Variants in KCMF1 observed in about 807,000 individuals in gnomAD.
The protein encoded by KCMF1 is potassium channel modulatory factor 1.
In KCMF1, 3 loss-of-function variants were observed where a neutral mutation model predicts 41.1. The ratio of observed to expected loss-of-function variants is 0.07; its 90% CI spans 0.03 to 0.19. The LOEUF is 0.19. Ranked by LOEUF, KCMF1 falls within the 10% of genes least tolerant of loss-of-function variation. The pLI, the probability that KCMF1 is intolerant of heterozygous loss-of-function variation, is 1.00. For missense variants in KCMF1, 286 were observed against 488.9 expected, an observed-to-expected ratio of 0.58 and a Z score of 3.91; for synonymous variants, 142 against 164.5, an observed-to-expected ratio of 0.86 and a Z score of 1.04.
rs1444393669 is a variant in KCMF1, at chr2:85,053,508, C to T, written c.*99C>T. On this transcript the variant is annotated 3_prime_UTR_variant, in exon 7 of 7. Transcript: ENST00000409785. ...TTGTTTGGTGATTGTAATTTCAGGT[C>T]TGTCACTCTTGTTACATTGTGTACA... 8.3e-7 allele frequency: 1 copy of T among 1,200,612 alleles called. No homozygotes were observed. Among genetic ancestry groups the T allele is most frequent in the Non-Finnish European group, 1.2e-6 (1 of 864,780 alleles). 74.4% of individuals were successfully genotyped at this position (1,200,612 alleles called of 1,614,324 possible).
intron 1 of KCMF1, among the ~76,000 whole-genome samples, chr2:85,002,237 C>G (rs1285879765): frequency 6.6e-6 from 1 of 152,158 alleles, no homozygotes; most frequent in Non-Finnish European, 1.5e-5. Context: ...CTACTAAATT[C>G]ATTTAACCTC....
intron 1 of KCMF1, among the ~76,000 whole-genome samples, chr2:85,013,393 CATT>C: frequency 6.6e-6 from 1 of 152,232 alleles, no homozygotes. Context: ...GTTTAGATAA[CATT>C]AAAAAAACAT....
intron 3 of KCMF1, 82 bp downstream of exon 3, chr2:85,035,237 ATCT>A: frequency 8.6e-7 from 1 of 1,165,286 alleles, no homozygotes. Context: ...GGTCACTGTC[ATCT>A]GCTTCCTGCT....
chr2:85,037,740 C>T (rs926531570), intron 3 of KCMF1, among the ~76,000 whole-genome samples: 1 of 152,194 alleles, frequency 6.6e-6, no homozygotes, highest in Non-Finnish European at 1.5e-5. Context: ...CTTTGCCCCA[C>T]GTTACCTGCA....
At position 84,990,956 on chromosome 2, in the gene KCMF1, GT is replaced by G. The variant is rs1674027166; in HGVS notation, c.16+19491del. Reference sequence around the variant, plus strand: ...AAACCCAGTGGATGGTTTTGAGCAAGTTACTGACTTAACCACTTGTGTTCGA... The same window carrying G: ...AAACCCAGTGGATGGTTTTGAGCAAGTACTGACTTAACCACTTGTGTTCGA... On this transcript the variant is annotated intron_variant, in intron 1 of 6. Transcript: ENST00000409785. Among the ~76,000 whole-genome samples the G allele has an allele frequency of 3.9e-5, 6 of 152,306 alleles. No homozygotes were observed. In the South Asian group the frequency reaches 1.2e-3, roughly 32 times the overall value.
At chr2:84,973,325 C>G (rs2103955303) in intron 1 of KCMF1, among the ~76,000 whole-genome samples, 1 of 152,312 alleles carries the variant, frequency 6.6e-6, no homozygotes, top group South Asian at 2.1e-4. Flanking sequence ...TTGGAACATT[C>G]TTGAATGTAA....
chr2:85,013,836 T>A (rs1195607938), intron 1 of KCMF1: 1 of 134,394 alleles, frequency 7.4e-6, no homozygotes, highest in African/African-American at 2.9e-5. Flanking sequence ...GACCAAAAAA[T>A]CCTAGGCAGG....
intron 1 of KCMF1, among the ~76,000 whole-genome samples, chr2:85,024,948 C>T (rs149102005): frequency 6.6e-6 from 1 of 152,206 alleles, no homozygotes; most frequent in African/African-American, 2.4e-5. Flanking sequence ...GGTGCCATTC[C>T]ATCTTACTGT....
intron 3 of KCMF1, among the ~76,000 whole-genome samples, chr2:85,037,909 A>G (rs1050682252): frequency 7.2e-5 from 11 of 152,222 alleles, no homozygotes; most frequent in Non-Finnish European, 1.3e-4. Context: ...GATCAGCAAC[A>G]TCATTAGATT....
chr2:85,014,523 A>T (rs1674719607), intron 1 of KCMF1, among the ~76,000 whole-genome samples: 1 of 151,896 alleles, frequency 6.6e-6, no homozygotes, highest in Admixed American at 6.6e-5. Flanking sequence ...CAGATTAAAA[A>T]TCATCACCTT....
intron 1 of KCMF1, among the ~76,000 whole-genome samples, chr2:84,979,784 C>A (rs555549729): frequency 6.6e-6 from 1 of 151,934 alleles, no homozygotes; most frequent in South Asian, 2.1e-4. Flanking sequence ...GAGAAAAGAA[C>A]CCGTAAGCAG....
chr2:85,024,573 AGAGAGAGAGAGTGTGTGTGTGT>A (rs1675039787), intron 1 of KCMF1, among the ~76,000 whole-genome samples: 2 of 142,838 alleles, frequency 1.4e-5, no homozygotes, highest in Admixed American at 7.1e-5. Flanking sequence ...AGAGAGAGAG[AGAGAGAGAGAGTGTGTGTGTGT>A]GTGTGTGTGT....
In KCMF1 at chr2:85,016,750, T is replaced by C. The variant is rs868300204; in HGVS notation, c.17-11139T>C. Among the ~76,000 whole-genome samples, 13 of 151,934 alleles carry C rather than the reference T, an allele frequency of 8.6e-5. No homozygotes were observed. The East Asian group carries it at 2.1e-3, about 25-fold the overall frequency. On this transcript the variant is annotated intron_variant, in intron 1 of 6. Coordinates refer to ENST00000409785, the MANE Select transcript of KCMF1 (RefSeq NM_020122.5). Reference sequence around the variant, plus strand: ...CTTTTTCACTCAGGCTGGAGCACATTGGCACAATTTTGGCTCACTGCAACC... The same window carrying C: ...CTTTTTCACTCAGGCTGGAGCACATCGGCACAATTTTGGCTCACTGCAACC...
At chr2:84,983,272 A>G (rs1040862732) in intron 1 of KCMF1, among the ~76,000 whole-genome samples, 1 of 152,210 alleles carries the variant, frequency 6.6e-6, no homozygotes, top group Non-Finnish European at 1.5e-5. Flanking sequence ...CCATTTCAAC[A>G]TGTAACTGAC....
intron 1 of KCMF1, among the ~76,000 whole-genome samples, chr2:85,023,554 C>A (rs1205020763): frequency 6.6e-6 from 1 of 151,912 alleles, no homozygotes; most frequent in African/African-American, 2.4e-5. Context: ...ATCTACTGAC[C>A]TTGTGATCCG....
chr2:85,018,429 C>T (rs1407956212), intron 1 of KCMF1, among the ~76,000 whole-genome samples: 3 of 152,038 alleles, frequency 2.0e-5, no homozygotes, highest in Admixed American at 1.3e-4. Context: ...GCCAGCACGC[C>T]AGGCTAATTT....
intron 3 of KCMF1, among the ~76,000 whole-genome samples, chr2:85,043,342 A>G (rs898587123): frequency 6.6e-6 from 1 of 152,198 alleles, no homozygotes; most frequent in South Asian, 2.1e-4. Context: ...AGGCCCTGCC[A>G]GAGATCAAGT....
chr2:85,037,877 G>A (rs182102230), intron 3 of KCMF1, among the ~76,000 whole-genome samples: 2 of 152,152 alleles, frequency 1.3e-5, no homozygotes, highest in Admixed American at 6.5e-5. Flanking sequence ...GGACATTACC[G>A]CCTGAACTCC....
Position 85,001,247 on chromosome 2 carries a change from T to A in KCMF1, c.17-26642T>A, listed in dbSNP as rs561358867. Among the ~76,000 whole-genome samples, 13 of 152,170 alleles carry A rather than the reference T, an allele frequency of 8.5e-5. 1 individual carries two copies. The South Asian group carries it at 2.3e-3, about 27-fold the overall frequency. On this transcript the variant is annotated intron_variant, in intron 1 of 6. Coordinates refer to ENST00000409785, the MANE Select transcript of KCMF1 (RefSeq NM_020122.5). ...ATCTTGGCTCACTGAAACCTCTGCC[T>A]CCCAGGTTCAAGTGATTCTTCCACC...
Sources: allele counts gnomAD v4.1 joint callset (sites outside exome capture counted in the v4.1 genomes callset), GRCh38; gene constraint gnomAD v4.1.1; transcripts MANE v1.5; gene names NCBI Gene and HGNC (gene_info 2026-07-23, HGNC 2026-07-21).